Variants in ARMH1 observed in about 807,000 individuals in gnomAD.
The protein encoded by ARMH1 is armadillo-like helical domain containing protein 1.
In ARMH1, 34 loss-of-function variants were observed where a neutral mutation model predicts 50.2. The ratio of observed to expected loss-of-function variants is 0.68; its 90% confidence interval spans 0.51 to 0.90. The LOEUF is 0.90. Among genes scored for constraint, ARMH1 ranks in the 40% least tolerant of loss-of-function variants. The probability of loss-of-function intolerance (pLI) is 0.00; values close to 1 mark genes in which losing one functional copy is unlikely to be tolerated. For missense variants in ARMH1, 538 were observed against 553.9 expected, an observed-to-expected ratio of 0.97 and a Z score of 0.29; for synonymous variants, 221 against 224.2, an observed-to-expected ratio of 0.99 and a Z score of 0.13.
chr1:44,689,686 G>A lies in ARMH1; in HGVS notation c.-12G>A. The A allele has an allele frequency of 6.4e-7, 1 of 1,551,668 alleles. No individual in the cohort carries two copies. The highest frequency in any genetic ancestry group is 8.7e-7 in the Non-Finnish European group (1 of 1,146,862). ...TCCCTCCCTCTGTAGCCAACTTCAG[G>A]ACTGATTGATCATGACTTCTATAAA... is the stretch of plus-strand genomic sequence containing the variant. On this transcript the variant is annotated 5_prime_UTR_variant, in exon 2 of 12. Coordinates refer to ENST00000535358, the MANE Select transcript of ARMH1 (RefSeq NM_001145636.2).
intron 4 of ARMH1, among the ~76,000 whole-genome samples, chr1:44,699,248 C>T (rs1471682712): frequency 7.1e-6 from 1 of 140,152 alleles, no homozygotes; most frequent in Non-Finnish European, 1.5e-5. Flanking sequence ...CGCGCCACTG[C>T]ACTCTAGCCT....
intron 1 of ARMH1, among the ~76,000 whole-genome samples, chr1:44,686,652 G>A (rs1296479277): frequency 6.6e-6 from 1 of 152,028 alleles, no homozygotes; most frequent in Non-Finnish European, 1.5e-5. Context: ...CTCCAGCCTA[G>A]GCAACAGAGT....
intron 6 of ARMH1, among the ~76,000 whole-genome samples, chr1:44,710,610 A>G (rs1342592780): frequency 9.3e-5 from 2 of 21,544 alleles, no homozygotes; most frequent in Non-Finnish European, 1.5e-4. Flanking sequence ...CTCCGTCTCA[A>G]AAAAAAAAAA....
chr1:44,716,204 C>T (rs1440756238), intron 6 of ARMH1, among the ~76,000 whole-genome samples: 2 of 152,050 alleles, frequency 1.3e-5, no homozygotes, highest in East Asian at 1.9e-4. Context: ...GTCTATGGCA[C>T]CTCGTCCGCT....
chr1:44,724,915 C>G lies in ARMH1; in HGVS notation c.1128+76C>G. 7.9e-6 allele frequency: 12 copies of G among 1,511,760 alleles called. No homozygotes were observed. Among genetic ancestry groups the G allele is most frequent in the Non-Finnish European group, 1.1e-5 (12 of 1,130,732 alleles). The allele number at this position is 1,511,760 out of a possible 1,614,324, so 93.6% of individuals were successfully genotyped here. A position where few individuals can be genotyped will look rare whatever the true frequency, so the allele number is the denominator to read the frequency against. The stretch of plus-strand genomic sequence containing the variant: ...AGTGTGATGCCCCTTCAGACAGTCC[C>G]CATCCTGGAGCGCGCCACATGCAGA... On this transcript the variant is annotated intron_variant, in intron 10 of 11. Coordinates refer to ENST00000535358, the MANE Select transcript of ARMH1 (RefSeq NM_001145636.2). This position sits in a 1 kb window ranked among gnomAD's most constrained non-coding sequence, Gnocchi z 6.4.
chr1:44,699,706 C>T (rs141715880), intron 4 of ARMH1, among the ~76,000 whole-genome samples: 89 of 152,258 alleles, frequency 5.8e-4, no homozygotes, highest in African/African-American at 2.0e-3. Context: ...CCCACCTCGG[C>T]CTCCCAAAGT....
chr1:44,709,552 G>A lies in ARMH1; in HGVS notation c.724+5379G>A, dbSNP rs60855049. Among the ~76,000 whole-genome samples, 736 of 152,070 alleles carry A rather than the reference G, an allele frequency of 4.8e-3. 3 individuals carry two copies. The highest frequency in any genetic ancestry group is 0.016 in the African/African-American group (647 of 41,438). ...CCGGGCGTAGTGGCATGCGCCTGTA[G>A]TCCCACCTACACGGGAGGCTGAGGC... is the stretch of plus-strand genomic sequence containing the variant. On this transcript the variant is annotated intron_variant, in intron 6 of 11. Transcript: ENST00000535358.
intron 6 of ARMH1, among the ~76,000 whole-genome samples, chr1:44,719,521 T>C (rs752309064): frequency 6.6e-6 from 1 of 152,218 alleles, no homozygotes; most frequent in Non-Finnish European, 1.5e-5. Context: ...GAGCTGAGCA[T>C]GCAGCCTGCA....
At chr1:44,699,922 C>T (rs534915667) in intron 4 of ARMH1, among the ~76,000 whole-genome samples, 31 of 151,838 alleles carry the variant, frequency 2.0e-4, no homozygotes, top group Non-Finnish European at 4.0e-4. Context: ...CTCCACCTCC[C>T]GGGTTCAAGC....
At chr1:44,680,991 A>C (rs1336231073) in intron 1 of ARMH1, among the ~76,000 whole-genome samples, 5 of 141,484 alleles carry the variant, frequency 3.5e-5, no homozygotes, top group African/African-American at 5.4e-5. Flanking sequence ...CCCCCTTCCG[A>C]TCCCCTTTTT....
chr1:44,703,138 G>C (rs10890312), intron 5 of ARMH1, among the ~76,000 whole-genome samples: 1 of 151,878 alleles, frequency 6.6e-6, no homozygotes, highest in Non-Finnish European at 1.5e-5. Flanking sequence ...AGAGGAAAAA[G>C]GGGGCTGTCT....
At chr1:44,706,736 T>C (rs546088619) in intron 6 of ARMH1, among the ~76,000 whole-genome samples, 3 of 152,152 alleles carry the variant, frequency 2.0e-5, no homozygotes, top group Non-Finnish European at 4.4e-5. Flanking sequence ...TGTTAGCAGC[T>C]GGAGCAGAGT....
At position 44,683,970 on chromosome 1, in the gene ARMH1, C is replaced by G. The variant is rs1174305381; in HGVS notation, c.-22-5706C>G. ...GAGTTTGAGATCAGCCTAGGCAACA[C>G]AGAGAGACCCCATCTCTATAAACAA... is the stretch of plus-strand genomic sequence containing the variant. On this transcript the variant is annotated intron_variant, in intron 1 of 11. Transcript: ENST00000535358. The surrounding 1 kb of genome is among the most constrained non-coding windows in gnomAD (Gnocchi z 4.2). Among the ~76,000 whole-genome samples, 1 of 152,044 alleles carries G rather than the reference C, an allele frequency of 6.6e-6. No individual in the cohort carries two copies. Among genetic ancestry groups the G allele is most frequent in the Non-Finnish European group, 1.5e-5 (1 of 68,010 alleles).
intron 6 of ARMH1, among the ~76,000 whole-genome samples, chr1:44,708,805 A>G (rs1272669769): frequency 6.6e-6 from 1 of 151,926 alleles, no homozygotes; most frequent in African/African-American, 2.4e-5. Flanking sequence ...TCTCCTTCCC[A>G]TTATGAGAGT....
intron 6 of ARMH1, among the ~76,000 whole-genome samples, chr1:44,713,740 T>C (rs1319517108): frequency 1.3e-5 from 2 of 152,136 alleles, no homozygotes; most frequent in African/African-American, 4.8e-5. Context: ...TGCGTCCTTT[T>C]TGAGGACACT....
At position 44,682,333 on chromosome 1, in the gene ARMH1, A is replaced by G. The variant is rs1484139003; in HGVS notation, c.-22-7343A>G. 6.6e-6 allele frequency among the ~76,000 whole-genome samples: 1 copy of G among 152,120 alleles called. No individual in the cohort carries two copies. Among genetic ancestry groups the G allele is most frequent in the Admixed American group, 6.6e-5 (1 of 15,266 alleles). On this transcript the variant is annotated intron_variant, in intron 1 of 11. Coordinates refer to ENST00000535358, the MANE Select transcript of ARMH1 (RefSeq NM_001145636.2). This position sits in a 1 kb window ranked among gnomAD's most constrained non-coding sequence, Gnocchi z 4.5. Reference sequence around the variant, plus strand: ...CAAAGTCATTGATCGGCACTGCGGCAAGGTAGAGAGGGAAAGACAGATGGC... The same window carrying G: ...CAAAGTCATTGATCGGCACTGCGGCGAGGTAGAGAGGGAAAGACAGATGGC...
At chr1:44,718,564 G>A (rs899639804) in intron 6 of ARMH1, among the ~76,000 whole-genome samples, 27 of 152,296 alleles carry the variant, frequency 1.8e-4, no homozygotes, top group African/African-American at 6.3e-4. Flanking sequence ...GCCCCTTCCC[G>A]GGGCTGGTCC....
intron 1 of ARMH1, among the ~76,000 whole-genome samples, chr1:44,680,974 C>T (rs1363037905): frequency 2.0e-5 from 3 of 150,958 alleles, no homozygotes; most frequent in Non-Finnish European, 4.4e-5. Context: ...CCCCCACCTC[C>T]AATTTGCCCC....
intron 4 of ARMH1, among the ~76,000 whole-genome samples, chr1:44,698,961 A>C (rs1645927237): frequency 6.6e-6 from 1 of 151,954 alleles, no homozygotes; most frequent in Admixed American, 6.6e-5. Flanking sequence ...AGCCTGGCCA[A>C]CATGGCAAAA....
Sources: allele counts gnomAD v4.1 joint callset (sites outside exome capture counted in the v4.1 genomes callset), GRCh38; gene constraint gnomAD v4.1.1; non-coding constraint Gnocchi (gnomAD v3.1); transcripts MANE v1.5; gene names NCBI Gene and HGNC (gene_info 2026-07-23, HGNC 2026-07-21).